The following TMTC2 variants were observed in gnomAD, a reference collection of about 807,000 sequenced individuals.
TMTC2 encodes transmembrane O-mannosyltransferase targeting cadherins 2, also known as protein O-mannosyl-transferase TMTC2.
In TMTC2, 43 loss-of-function variants were observed where a neutral mutation model predicts 82.4. The observed-to-expected ratio is 0.52, with a 90% CI of 0.41 to 0.67. The LOEUF is 0.67. Ranked by LOEUF, TMTC2 falls within the 30% of genes least tolerant of loss-of-function variation. The pLI, the probability that TMTC2 is intolerant of heterozygous loss-of-function variation, is 0.00. For synonymous variants in TMTC2, 408 were observed against 381.9 expected (o/e 1.07, Z -0.80); for missense variants, 919 against 1,012.4 (o/e 0.91, Z 1.25).
intron 4 of TMTC2, among the ~76,000 whole-genome samples, chr12:82,960,802 A>G (rs1441241900): frequency 7.4e-6 from 1 of 135,944 alleles, no homozygotes; most frequent in Non-Finnish European, 1.6e-5. Flanking sequence ...ATTTTAACAA[A>G]TATATAGGTA....
At chr12:82,817,962 G>A (rs746989912) in intron 1 of TMTC2, among the ~76,000 whole-genome samples, 1 of 152,078 alleles carries the variant, frequency 6.6e-6, no homozygotes, top group Non-Finnish European at 1.5e-5. Flanking sequence ...GGCATTTTCT[G>A]TATAGTACCA....
intron 8 of TMTC2, among the ~76,000 whole-genome samples, chr12:83,011,014 T>C (rs1008207159): frequency 6.6e-6 from 1 of 152,116 alleles, no homozygotes; most frequent in African/African-American, 2.4e-5. Context: ...TTTGGGTTTT[T>C]AGTAGAGATG....
In TMTC2 at chr12:82,931,378, T is replaced by C. The variant is rs1156239760; in HGVS notation, c.1598+833T>C. Reference sequence around the variant, plus strand: ...TCAGTGAGGTTGGGATAGTTTAGAATGTTCTTGTATGTTGGGTTAGAAAAA... The same window carrying C: ...TCAGTGAGGTTGGGATAGTTTAGAACGTTCTTGTATGTTGGGTTAGAAAAA... On this transcript the variant is annotated intron_variant, in intron 4 of 11. Coordinates refer to ENST00000321196, the MANE Select transcript of TMTC2 (RefSeq NM_152588.3). 2.0e-5 allele frequency among the ~76,000 whole-genome samples: 3 copies of C among 152,170 alleles called. No homozygotes were observed. In the East Asian group the frequency reaches 5.8e-4, roughly 29 times the overall value.
chr12:82,733,117 A>G (rs1874913566), intron 1 of TMTC2, among the ~76,000 whole-genome samples: 1 of 152,178 alleles, frequency 6.6e-6, no homozygotes, highest in Admixed American at 6.5e-5. Flanking sequence ...TCCATTATGC[A>G]TACGTAAATA....
chr12:82,855,420 G>A (rs750517943), intron 1 of TMTC2, among the ~76,000 whole-genome samples: 2 of 152,192 alleles, frequency 1.3e-5, no homozygotes, highest in African/African-American at 4.8e-5. Context: ...AGAGAAGGCA[G>A]AACTGGTGGA....
At chr12:83,040,905 C>T (rs879938837) in intron 9 of TMTC2, among the ~76,000 whole-genome samples, 1 of 151,974 alleles carries the variant, frequency 6.6e-6, no homozygotes, top group Admixed American at 6.6e-5. Context: ...AGGATGGTCT[C>T]GATCTCTTGA....
chr12:83,130,437 G>A (rs942516038), intron 11 of TMTC2, among the ~76,000 whole-genome samples: 1 of 152,104 alleles, frequency 6.6e-6, no homozygotes, highest in African/African-American at 2.4e-5. Context: ...ATTAGAAGTT[G>A]ACCATCTGTA....
At chr12:82,702,438 C>T (rs1873130901) in intron 1 of TMTC2, among the ~76,000 whole-genome samples, 1 of 152,092 alleles carries the variant, frequency 6.6e-6, no homozygotes, top group South Asian at 2.1e-4. Flanking sequence ...TGAAAATTTA[C>T]CCCGTATCTT....
chr12:82,789,302 G>C (rs753191782), intron 1 of TMTC2, among the ~76,000 whole-genome samples: 5 of 152,134 alleles, frequency 3.3e-5, no homozygotes, highest in African/African-American at 4.8e-5. Flanking sequence ...ATTGCAACCT[G>C]TGGGGTCTAA....
chr12:83,016,892 A>T (rs1880704121), intron 8 of TMTC2, among the ~76,000 whole-genome samples: 1 of 152,078 alleles, frequency 6.6e-6, no homozygotes, highest in African/African-American at 2.4e-5. Context: ...TTTTATGGGG[A>T]TGTAATGTGA....
At chr12:82,812,291 TC>T (rs1401680365) in intron 1 of TMTC2, among the ~76,000 whole-genome samples, 4 of 152,138 alleles carry the variant, frequency 2.6e-5, no homozygotes, top group Admixed American at 1.3e-4. Context: ...ACTGTTTCTT[TC>T]TGTAATAGTG....
intron 1 of TMTC2, among the ~76,000 whole-genome samples, chr12:82,774,631 C>T (rs1033042355): frequency 7.3e-6 from 1 of 136,752 alleles, no homozygotes; most frequent in Non-Finnish European, 1.6e-5. Flanking sequence ...AAAAAAAGAA[C>T]AATTTTTTTT....
chr12:82,934,039 T>G (rs1013506522), intron 4 of TMTC2, among the ~76,000 whole-genome samples: 8 of 152,160 alleles, frequency 5.3e-5, no homozygotes, highest in Non-Finnish European at 1.0e-4. Context: ...TTCAATTACC[T>G]CTGTGTGCTA....
At chr12:83,119,723 T>A (rs1884887520) in intron 11 of TMTC2, among the ~76,000 whole-genome samples, 1 of 152,218 alleles carries the variant, frequency 6.6e-6, no homozygotes, top group Non-Finnish European at 1.5e-5. Context: ...ATGACCTGTC[T>A]GGTGCTGTCA....
At chr12:82,989,684 A>G (rs1204362739) in intron 8 of TMTC2, among the ~76,000 whole-genome samples, 2 of 151,704 alleles carry the variant, frequency 1.3e-5, no homozygotes, top group East Asian at 1.9e-4. Flanking sequence ...AAAATTTTTC[A>G]AGCCTGACTA....
At chr12:82,915,900 T>A (rs58479141) in intron 3 of TMTC2, among the ~76,000 whole-genome samples, 16,106 of 152,174 alleles carry the variant, frequency 0.11, 2,071 homozygotes, top group African/African-American at 0.31. Flanking sequence ...TCTATCATTG[T>A]TAATAATCAA....
At chr12:83,107,710 A>G (rs1006479796) in intron 11 of TMTC2, among the ~76,000 whole-genome samples, 13 of 152,196 alleles carry the variant, frequency 8.5e-5, no homozygotes, top group African/African-American at 3.1e-4. Flanking sequence ...TGACTCCAAA[A>G]CCAATCATTG....
intron 1 of TMTC2, among the ~76,000 whole-genome samples, chr12:82,781,114 T>G (rs1322791090): frequency 6.6e-6 from 1 of 152,044 alleles, no homozygotes; most frequent in East Asian, 1.9e-4. Flanking sequence ...TAGCTGAAAC[T>G]TTTCCCAAGA....
chr12:82,798,481 A>C (rs1321729077), intron 1 of TMTC2, among the ~76,000 whole-genome samples: 1 of 91,070 alleles, frequency 1.1e-5, no homozygotes, highest in African/African-American at 4.7e-5. Context: ...TGCGCGACAG[A>C]GGGAGACTCG....
Sources: allele counts gnomAD v4.1 joint callset (sites outside exome capture counted in the v4.1 genomes callset), GRCh38; gene constraint gnomAD v4.1.1; transcripts MANE v1.5; gene names NCBI Gene and HGNC (gene_info 2026-07-23, HGNC 2026-07-21).